Variants in TAF3 observed in about 807,000 individuals in gnomAD.
The protein encoded by TAF3 is TATA-box binding protein associated factor 3.
A neutral mutation model predicts 80.6 loss-of-function variants in TAF3; 7 were observed. The ratio of observed to expected loss-of-function variants is 0.09; its 90% CI spans 0.05 to 0.16. The LOEUF is 0.16. Among genes scored for constraint, TAF3 ranks in the 10% least tolerant of loss-of-function variants. TAF3 has a pLI of 1.00. For synonymous variants in TAF3, 444 were observed against 446.1 expected (o/e 1.00, Z 0.06); for missense variants, 921 against 1,140.2 (o/e 0.81, Z 2.77).
At chr10:7,962,323 A>G (rs1388707210) in intron 2 of TAF3, among the ~76,000 whole-genome samples, 3 of 151,994 alleles carry the variant, frequency 2.0e-5, no homozygotes, top group African/African-American at 7.2e-5. Flanking sequence ...TCAGTAATCC[A>G]TGTTATTGCT....
At chr10:8,010,185 G>A (rs1433201691) in intron 5 of TAF3, among the ~76,000 whole-genome samples, 3 of 152,190 alleles carry the variant, frequency 2.0e-5, no homozygotes, top group Non-Finnish European at 4.4e-5. Context: ...GAGATGACAG[G>A]CATGAACAAC....
intron 2 of TAF3, among the ~76,000 whole-genome samples, chr10:7,873,827 CTG>C (rs1166774896): frequency 1.3e-5 from 2 of 152,176 alleles, no homozygotes; most frequent in Admixed American, 6.5e-5. Context: ...AGATAGAAAA[CTG>C]TTGCTTTCTC....
intron 2 of TAF3, among the ~76,000 whole-genome samples, chr10:7,854,786 G>A (rs757511986): frequency 3.3e-5 from 5 of 152,146 alleles, no homozygotes; most frequent in Non-Finnish European, 4.4e-5. Context: ...AGATCCATAC[G>A]TAGATCAGTA....
In TAF3 at chr10:7,943,147, C is replaced by T. The variant is rs767649557; in HGVS notation, c.410-20773C>T. Among the ~76,000 whole-genome samples the T allele has an allele frequency of 5.3e-5, 8 of 152,286 alleles. 1 individual carries two copies. The highest frequency in any genetic ancestry group is 1.7e-4 in the African/African-American group (7 of 41,556). ...CTGTGGTTCCGGTTCCCTGTAGCTC[C>T]GTGAGACTCTGAGAACTCCACTCGG... is the stretch of plus-strand genomic sequence containing the variant. On this transcript the variant is annotated intron_variant, in intron 2 of 6. Coordinates refer to ENST00000344293, the MANE Select transcript of TAF3 (RefSeq NM_031923.4).
intron 2 of TAF3, among the ~76,000 whole-genome samples, chr10:7,883,271 C>T (rs1160784627): frequency 1.3e-5 from 2 of 152,206 alleles, no homozygotes; most frequent in African/African-American, 4.8e-5. Context: ...ATGACCTCAC[C>T]ACTTTGGAAG....
rs541111680 is a variant in TAF3 at position 7,964,330 on chromosome 10, A to C, written c.820A>C (p.Thr274Pro). 6.2e-7 allele frequency: 1 copy of C among 1,614,186 alleles called. No homozygotes were observed. Among genetic ancestry groups the C allele is most frequent in the African/African-American group, 1.3e-5 (1 of 75,040 alleles). Residue 274 changes from threonine to proline, a missense_variant, in exon 3 of 7, where the codon ACT becomes CCT. By Grantham distance (38) the Thr-to-Pro change is conservative. Around this residue, in one of 6 missense-constraint regions of TAF3, gnomAD observed 743 missense variants for 821.0 expected, o/e 0.90. Transcript: ENST00000344293. This position sits in a 1 kb window ranked among gnomAD's most constrained non-coding sequence, Gnocchi z 4.1. The part of the protein sequence containing the change: ...ETKSFTPKTK[T>P]KTSSPGQKTK... ...AAAGTCATTTACACCTAAAACAAAG[A>C]CTAAAACTAGCTCTCCAGGACAGAA...
rs1481683236 is a variant in TAF3 at position 8,009,612 on chromosome 10, G to T, written c.2568+282G>T. ...TGAGCCACTGCCCCTGGCCAGACAC[G>T]TTTCTTTTTTTTTCTTTTTTTTTTT... On this transcript the variant is annotated intron_variant, in intron 5 of 6. Transcript: ENST00000344293. This position sits in a 1 kb window ranked among gnomAD's most constrained non-coding sequence, Gnocchi z 4.1. Among the ~76,000 whole-genome samples the T allele has an allele frequency of 1.3e-5, 2 of 150,634 alleles. No homozygotes were observed. The highest frequency in any genetic ancestry group is 3.0e-5 in the Non-Finnish European group (2 of 67,740).
chr10:7,924,979 G>A (rs1205368046), intron 2 of TAF3, among the ~76,000 whole-genome samples: 1 of 152,054 alleles, frequency 6.6e-6, no homozygotes, highest in Non-Finnish European at 1.5e-5. Flanking sequence ...GTTTCATGCT[G>A]TTAAAAGTGA....
intron 2 of TAF3, among the ~76,000 whole-genome samples, chr10:7,921,639 C>T (rs1375451078): frequency 6.6e-6 from 1 of 152,094 alleles, no homozygotes; most frequent in Non-Finnish European, 1.5e-5. Flanking sequence ...ATGTAAAATA[C>T]CTTTTACTGT....
At chr10:8,011,408 C>G (rs1036978300) in intron 5 of TAF3, among the ~76,000 whole-genome samples, 2 of 152,116 alleles carry the variant, frequency 1.3e-5, no homozygotes, top group Non-Finnish European at 2.9e-5. Context: ...CGTCTGCCAC[C>G]ACAACTGGCT....
intron 2 of TAF3, among the ~76,000 whole-genome samples, chr10:7,859,941 C>T (rs2131134360): frequency 6.6e-6 from 1 of 152,290 alleles, no homozygotes; most frequent in East Asian, 1.9e-4. Flanking sequence ...AATATGGCTA[C>T]TAATGGCAGT....
intron 3 of TAF3, among the ~76,000 whole-genome samples, chr10:7,975,715 A>C (rs765641182): frequency 6.6e-6 from 1 of 152,202 alleles, no homozygotes; most frequent in Non-Finnish European, 1.5e-5. Flanking sequence ...TTGAAAAACA[A>C]CTCTAGGAAG....
intron 4 of TAF3, 98 bp from the exon 5 acceptor site, chr10:8,008,980 A>G (rs912562499): frequency 6.9e-7 from 1 of 1,458,328 alleles, no homozygotes; most frequent in African/African-American, 1.4e-5. Flanking sequence ...GTATTTCGCT[A>G]CTGGAAGAAA....
At chr10:7,914,532 A>G (rs888002107) in intron 2 of TAF3, among the ~76,000 whole-genome samples, 6 of 152,228 alleles carry the variant, frequency 3.9e-5, no homozygotes, top group African/African-American at 1.4e-4. Flanking sequence ...AGCCTGGTAT[A>G]CTGCTGACCT....
At chr10:7,967,520 C>T (rs1231499561) in intron 3 of TAF3, among the ~76,000 whole-genome samples, 1 of 152,144 alleles carries the variant, frequency 6.6e-6, no homozygotes, top group Non-Finnish European at 1.5e-5. Context: ...GTTCTTGGAT[C>T]AGTTTTGCTG....
At chr10:7,906,863 G>C (rs577234778) in intron 2 of TAF3, among the ~76,000 whole-genome samples, 10 of 151,216 alleles carry the variant, frequency 6.6e-5, no homozygotes, top group African/African-American at 2.4e-4. Context: ...GACTGCAGGC[G>C]TGCACCACCA....
chr10:7,971,994 T>A (rs150548375), intron 3 of TAF3, among the ~76,000 whole-genome samples: 1 of 152,190 alleles, frequency 6.6e-6, no homozygotes, highest in Admixed American at 6.5e-5. Context: ...ACCTCTTTGG[T>A]GAATTGGGAA....
At chr10:7,918,981 G>T (rs1201717640) in intron 2 of TAF3, among the ~76,000 whole-genome samples, 4 of 152,194 alleles carry the variant, frequency 2.6e-5, no homozygotes, top group African/African-American at 9.7e-5. Flanking sequence ...GCTACCAGTT[G>T]AGGGGGCTGT....
intron 2 of TAF3, among the ~76,000 whole-genome samples, chr10:7,904,507 A>G (rs1474186038): frequency 1.3e-5 from 2 of 152,076 alleles, no homozygotes; most frequent in African/African-American, 2.4e-5. Flanking sequence ...CATTTATCTC[A>G]TATTTGTTGG....
Sources: gnomAD v4.1 joint callset for allele counts (sites outside exome capture counted in the v4.1 genomes callset) on GRCh38, gnomAD v4.1.1 for gene constraint, gnomAD v4.1.1 regional missense constraint, Gnocchi (gnomAD v3.1) non-coding constraint, MANE v1.5 for transcripts, NCBI Gene and HGNC (gene_info 2026-07-23, HGNC 2026-07-21) for gene names.